Variants in ROBO2 observed in about 807,000 individuals in gnomAD.
The protein encoded by ROBO2 is roundabout homolog 2.
A neutral mutation model predicts 160.8 loss-of-function variants in ROBO2; 53 were observed. That is an observed-to-expected ratio of 0.33 (90% CI 0.26 to 0.41). The LOEUF is 0.41. ROBO2 is among the 10% of genes least tolerant of loss of function. The probability of loss-of-function intolerance (pLI) is 1.00; values close to 1 mark genes in which losing one functional copy is unlikely to be tolerated. For synonymous variants in ROBO2, 664 were observed against 611.7 expected, an observed-to-expected ratio of 1.09 and a Z score of -1.26; for missense variants, 1,577 against 1,722.4, an observed-to-expected ratio of 0.92 and a Z score of 1.49.
intron 2 of ROBO2, among the ~76,000 whole-genome samples, chr3:77,124,077 CCTA>C (rs1482218077): frequency 4.6e-5 from 7 of 151,630 alleles, no homozygotes; most frequent in African/African-American, 1.4e-4. Flanking sequence ...GCAATAAAAT[CCTA>C]CTGGAAATCC....
intron 2 of ROBO2, among the ~76,000 whole-genome samples, chr3:77,273,014 G>T (rs2059598950): frequency 6.6e-6 from 1 of 152,084 alleles, no homozygotes; most frequent in African/African-American, 2.4e-5. Context: ...TGTTACAGGG[G>T]TTTACTGCAT....
intron 2 of ROBO2, among the ~76,000 whole-genome samples, chr3:77,219,130 C>T (rs62253264): frequency 0.028 from 4,293 of 151,502 alleles, 69 homozygotes; most frequent in Middle Eastern, 0.054. Context: ...CAGCACGCCC[C>T]GCTAATTTTT....
chr3:76,793,823 C>T (rs1469830842), intron 2 of ROBO2, among the ~76,000 whole-genome samples: 1 of 152,020 alleles, frequency 6.6e-6, no homozygotes, highest in East Asian at 1.9e-4. Flanking sequence ...GCCTTTTACT[C>T]TTACAAATTC....
At chr3:76,290,277 T>C (rs774437951) in intron 2 of ROBO2, among the ~76,000 whole-genome samples, 6 of 152,148 alleles carry the variant, frequency 3.9e-5, no homozygotes, top group South Asian at 4.1e-4. Context: ...TATTCCTGGG[T>C]ATTTTATTCT....
intron 2 of ROBO2, among the ~76,000 whole-genome samples, chr3:76,487,589 T>G (rs563288842): frequency 2.0e-5 from 3 of 152,112 alleles, no homozygotes; most frequent in Non-Finnish European, 2.9e-5. Context: ...TCATAATACT[T>G]TCTCTCTGAC....
chr3:76,190,219 A>G (rs905291340), intron 2 of ROBO2, among the ~76,000 whole-genome samples: 2 of 152,114 alleles, frequency 1.3e-5, no homozygotes, highest in Admixed American at 6.6e-5. Flanking sequence ...ACTTGGTTTG[A>G]ATACAACAAA....
chr3:77,280,593 T>C (rs1411159176), intron 2 of ROBO2, among the ~76,000 whole-genome samples: 1 of 152,196 alleles, frequency 6.6e-6, no homozygotes. Flanking sequence ...AATAAACTAT[T>C]TTTTCCACAC....
Position 77,287,789 on chromosome 3 carries a change from G to A in ROBO2, c.388+189449G>A, listed in dbSNP as rs570940577. Among the ~76,000 whole-genome samples the A allele has an allele frequency of 2.6e-5, 4 of 152,190 alleles. No homozygotes were observed. The East Asian group carries it at 7.8e-4, about 30-fold the overall frequency. Reference sequence around the variant, plus strand: ...TTCTTTTGCAGATTGTACTCCACATGTTCAGAAAGCCTTTCCCTAGAGTAT... The same window carrying A: ...TTCTTTTGCAGATTGTACTCCACATATTCAGAAAGCCTTTCCCTAGAGTAT... On this transcript the variant is annotated intron_variant, in intron 2 of 25. Coordinates refer to ENST00000461745, the Ensembl canonical transcript of ROBO2.
intron 2 of ROBO2, among the ~76,000 whole-genome samples, chr3:76,718,724 G>A (rs939466325): frequency 6.6e-6 from 1 of 152,184 alleles, no homozygotes; most frequent in Admixed American, 6.5e-5. Context: ...CTATTTTACA[G>A]GGAGAGGTAT....
intron 2 of ROBO2, among the ~76,000 whole-genome samples, chr3:76,233,994 C>T (rs985766813): frequency 2.0e-5 from 3 of 152,062 alleles, no homozygotes; most frequent in African/African-American, 7.2e-5. Flanking sequence ...TCAAGTAGAC[C>T]CCAATATCTG....
At chr3:76,775,729 A>G (rs72894242) in intron 2 of ROBO2, among the ~76,000 whole-genome samples, 1,773 of 128,774 alleles carry the variant, frequency 0.014, 30 homozygotes, top group African/African-American at 0.047. Context: ...ATTTCATGGA[A>G]TACATCGATG....
chr3:77,293,804 G>C (rs1311892223), intron 2 of ROBO2, among the ~76,000 whole-genome samples: 1 of 139,070 alleles, frequency 7.2e-6, no homozygotes, highest in Non-Finnish European at 1.5e-5. Flanking sequence ...GTTGAGGCTA[G>C]AACAGTAAAG....
At chr3:76,472,100 T>TGTGCGC (rs1491261065) in intron 2 of ROBO2, among the ~76,000 whole-genome samples, 3 of 111,018 alleles carry the variant, frequency 2.7e-5, no homozygotes, top group Admixed American at 8.7e-5. Flanking sequence ...TGTGTGTGTG[T>TGTGCGC]GCGCGTGTGC....
chr3:76,342,297 G>T (rs536526094), intron 2 of ROBO2, among the ~76,000 whole-genome samples: 2 of 152,250 alleles, frequency 1.3e-5, no homozygotes, highest in South Asian at 4.1e-4. Flanking sequence ...TGGATCCTCA[G>T]AGAAGACACG....
At chr3:76,735,416 A>G (rs534013339) in intron 2 of ROBO2, among the ~76,000 whole-genome samples, 5 of 152,288 alleles carry the variant, frequency 3.3e-5, no homozygotes, top group Middle Eastern at 3.4e-3. Flanking sequence ...GACAGGAACA[A>G]TGGTCACTGA....
chr3:76,708,585 G>A (rs749377027), intron 2 of ROBO2, among the ~76,000 whole-genome samples: 31 of 152,258 alleles, frequency 2.0e-4, no homozygotes, highest in Non-Finnish European at 4.1e-4. Context: ...ACTGCATCAG[G>A]TATTAACTGA....
chr3:76,711,433 C>A (rs573984951), intron 2 of ROBO2, among the ~76,000 whole-genome samples: 1 of 152,218 alleles, frequency 6.6e-6, no homozygotes, highest in African/African-American at 2.4e-5. Flanking sequence ...GTGCACAGAG[C>A]CAAACCGTAC....
chr3:76,577,513 C>A (rs1459000702), intron 2 of ROBO2, among the ~76,000 whole-genome samples: 1 of 152,068 alleles, frequency 6.6e-6, no homozygotes, highest in Non-Finnish European at 1.5e-5. Context: ...AAGAGTCAAG[C>A]ATATTGTCTT....
At chr3:76,095,080 T>TA (rs2069385585) in intron 2 of ROBO2, among the ~76,000 whole-genome samples, 1 of 152,108 alleles carries the variant, frequency 6.6e-6, no homozygotes, top group South Asian at 2.1e-4. Context: ...GAAGACACAC[T>TA]AAAAAAGCTC....
Sources: allele counts gnomAD v4.1 joint callset (sites outside exome capture counted in the v4.1 genomes callset), GRCh38; gene constraint gnomAD v4.1.1; transcripts MANE v1.5; gene names NCBI Gene and HGNC (gene_info 2026-07-23, HGNC 2026-07-21).